Variants in TTC29 observed in about 807,000 individuals in gnomAD.
The protein encoded by TTC29 is tetratricopeptide repeat protein 29.
A neutral mutation model predicts 58.1 loss-of-function variants in TTC29; 49 were observed. The ratio of observed to expected loss-of-function variants is 0.84; its 90% CI spans 0.67 to 1.07. The LOEUF (loss-of-function observed/expected upper bound fraction) is 1.07, where lower values mean the gene tolerates loss of function less well. Among genes scored for constraint, TTC29 ranks in the 50% least tolerant of loss-of-function variants. TTC29 has a pLI of 0.00. For missense variants in TTC29, 582 were observed against 555.6 expected, an observed-to-expected ratio of 1.05 and a Z score of -0.48; for synonymous variants, 209 against 196.8, an observed-to-expected ratio of 1.06 and a Z score of -0.52.
intron 11 of TTC29, among the ~76,000 whole-genome samples, chr4:146,728,113 C>G (rs946234951): frequency 6.6e-6 from 1 of 151,712 alleles, no homozygotes; most frequent in African/African-American, 2.4e-5. Context: ...ATGGCAAAAC[C>G]CTGTCTCTAC....
At chr4:146,787,451 T>C (rs921390709) in intron 11 of TTC29, among the ~76,000 whole-genome samples, 8 of 152,154 alleles carry the variant, frequency 5.3e-5, no homozygotes, top group African/African-American at 1.4e-4. Flanking sequence ...GCAAAATACT[T>C]GAGTTGTTCC....
intron 11 of TTC29, among the ~76,000 whole-genome samples, chr4:146,784,196 G>T (rs1019532668): frequency 6.6e-6 from 1 of 151,862 alleles, no homozygotes; most frequent in Non-Finnish European, 1.5e-5. Context: ...TAAATATAGT[G>T]TATAATATAG....
At chr4:146,808,474 T>C (rs933803575) in intron 10 of TTC29, among the ~76,000 whole-genome samples, 1 of 152,160 alleles carries the variant, frequency 6.6e-6, no homozygotes, top group Non-Finnish European at 1.5e-5. Flanking sequence ...ATGACATGAT[T>C]ATATATTTAG....
chr4:146,829,039 TATTA>T (rs1727992328), intron 9 of TTC29, among the ~76,000 whole-genome samples: 1 of 152,344 alleles, frequency 6.6e-6, no homozygotes, highest in African/African-American at 2.4e-5. Context: ...GTTAGATAAA[TATTA>T]ATTCCAGTTT....
intron 6 of TTC29, among the ~76,000 whole-genome samples, chr4:146,893,038 A>C (rs2150251665): frequency 6.6e-6 from 1 of 152,330 alleles, no homozygotes; most frequent in South Asian, 2.1e-4. Context: ...AGAGGATACA[A>C]ACAAATGGAA....
At chr4:146,943,015 T>C (rs1171165991) in intron 2 of TTC29, 1 of 167,546 alleles carries the variant, frequency 6.0e-6, no homozygotes, top group Admixed American at 6.4e-5. Context: ...CCCACCAAAG[T>C]TGGCATACCA....
Position 146,862,989 on chromosome 4 carries a change from G to T in TTC29, c.885+4509C>A, listed in dbSNP as rs1181084206. On this transcript the variant is annotated intron_variant, in intron 8 of 12. Transcript: ENST00000325106. ...TACAAAAAATTAGCCGGGCGTGGTG[G>T]CATGCGCCTGTAGTCCCAGCTACTC... 3.3e-5 allele frequency among the ~76,000 whole-genome samples: 5 copies of T among 152,136 alleles called. No individual in the cohort carries two copies. The South Asian group carries it at 6.2e-4, about 19-fold the overall frequency.
rs530172644 is a variant in TTC29, at chr4:146,915,278, G to A, written c.177-6029C>T. ...TTCTTCTTCTCCTCCTCCACACAAT[G>A]TTTTATTTATTGCATTGATTAGGAA... On this transcript the variant is annotated intron_variant, in intron 4 of 12. Transcript: ENST00000325106. 4.6e-5 allele frequency among the ~76,000 whole-genome samples: 7 copies of A among 152,108 alleles called. No homozygotes were observed. The South Asian group carries it at 1.5e-3, about 32-fold the overall frequency.
intron 11 of TTC29, among the ~76,000 whole-genome samples, chr4:146,710,526 C>T (rs1441326949): frequency 1.3e-5 from 2 of 152,118 alleles, no homozygotes; most frequent in Non-Finnish European, 2.9e-5. Flanking sequence ...ATTGGGTACT[C>T]ACTCGCCACA....
intron 4 of TTC29, among the ~76,000 whole-genome samples, chr4:146,927,258 AT>A (rs1035642692): frequency 4.6e-5 from 7 of 152,190 alleles, no homozygotes; most frequent in South Asian, 4.1e-4. Context: ...TATTATCATT[AT>A]TTTTTTCAGA....
At chr4:146,856,151 T>G (rs1350031967) in intron 8 of TTC29, among the ~76,000 whole-genome samples, 2 of 152,214 alleles carry the variant, frequency 1.3e-5, no homozygotes, top group African/African-American at 4.8e-5. Context: ...ATTTTTGAAC[T>G]TCATCCTCTT....
At chr4:146,902,631 C>G (rs1022303622) in intron 6 of TTC29, among the ~76,000 whole-genome samples, 2 of 152,046 alleles carry the variant, frequency 1.3e-5, no homozygotes, top group African/African-American at 4.8e-5. Context: ...CCAGTCCCTC[C>G]TGATTGCATC....
At chr4:146,726,325 C>G (rs368415923) in intron 11 of TTC29, among the ~76,000 whole-genome samples, 1 of 152,004 alleles carries the variant, frequency 6.6e-6, no homozygotes, top group Non-Finnish European at 1.5e-5. Flanking sequence ...TGGTGGTGCA[C>G]GCCTGTAATC....
intron 7 of TTC29, among the ~76,000 whole-genome samples, chr4:146,869,112 A>C (rs987730688): frequency 2.0e-5 from 3 of 151,942 alleles, no homozygotes; most frequent in Admixed American, 6.6e-5. Flanking sequence ...AAAAAAAAAA[A>C]AAAAAAACCT....
chr4:146,861,812 A>G (rs992736432), intron 8 of TTC29, among the ~76,000 whole-genome samples: 22 of 152,294 alleles, frequency 1.4e-4, no homozygotes, highest in Middle Eastern at 3.4e-3. Context: ...ATTTAGATAG[A>G]TGAATAACAT....
At chr4:146,933,522 C>A (rs769885269) in intron 4 of TTC29, among the ~76,000 whole-genome samples, 1 of 152,042 alleles carries the variant, frequency 6.6e-6, no homozygotes, top group African/African-American at 2.4e-5. Flanking sequence ...ATTAAAAATC[C>A]GAAGTACAGA....
intron 6 of TTC29, among the ~76,000 whole-genome samples, chr4:146,888,610 T>C (rs1167408797): frequency 6.6e-6 from 1 of 152,186 alleles, no homozygotes; most frequent in Non-Finnish European, 1.5e-5. Context: ...ACTTATCACA[T>C]TTAGTTTCAA....
intron 5 of TTC29, among the ~76,000 whole-genome samples, 187 bp downstream of exon 5, chr4:146,908,839 G>A (rs887822050): frequency 2.0e-5 from 3 of 152,326 alleles, no homozygotes; most frequent in African/African-American, 2.4e-5. Flanking sequence ...GAATGCCCCC[G>A]TGTCTGGGCA....
chr4:146,838,080 A>T (rs1246028986), intron 8 of TTC29, among the ~76,000 whole-genome samples: 1 of 152,054 alleles, frequency 6.6e-6, no homozygotes, highest in Non-Finnish European at 1.5e-5. Flanking sequence ...AATGAAGATG[A>T]AGCTTTAAAA....
Sources: gnomAD v4.1 joint callset for allele counts (sites outside exome capture counted in the v4.1 genomes callset) on GRCh38, gnomAD v4.1.1 for gene constraint, MANE v1.5 for transcripts, NCBI Gene and HGNC (gene_info 2026-07-23, HGNC 2026-07-21) for gene names.